Variants in ADAMTSL3 observed in about 807,000 individuals in gnomAD.
ADAMTSL3 encodes ADAMTS-like protein 3.
In ADAMTSL3, 128 loss-of-function variants were observed where a neutral mutation model predicts 201.7. The ratio of observed to expected loss-of-function variants is 0.63; its 90% CI spans 0.55 to 0.73. The LOEUF (loss-of-function observed/expected upper bound fraction) is 0.73, where lower values mean the gene tolerates loss of function less well. Ranked by LOEUF, ADAMTSL3 falls within the 30% of genes least tolerant of loss-of-function variation. The probability of loss-of-function intolerance (pLI) is 0.00; values close to 1 mark genes in which losing one functional copy is unlikely to be tolerated. For missense variants in ADAMTSL3, 1,990 were observed against 2,119.6 expected, an observed-to-expected ratio of 0.94 and a Z score of 1.20; for synonymous variants, 738 against 748.4, an observed-to-expected ratio of 0.99 and a Z score of 0.23.
At chr15:83,773,470 C>T in intron 3 of ADAMTSL3, 53 bp from the exon 4 acceptor site, 1 of 1,584,582 alleles carries the variant, frequency 6.3e-7, no homozygotes, top group Non-Finnish European at 8.6e-7. Flanking sequence ...ACCACATTTG[C>T]CTATACTTTA....
chr15:83,986,436 C>T (rs1378746413), intron 21 of ADAMTSL3, among the ~76,000 whole-genome samples: 5 of 152,184 alleles, frequency 3.3e-5, no homozygotes, highest in Non-Finnish European at 1.5e-5. Flanking sequence ...TGACATGGTA[C>T]ATCCTCCTTA....
chr15:83,739,275 A>G (rs2062416830), intron 3 of ADAMTSL3, among the ~76,000 whole-genome samples: 1 of 151,822 alleles, frequency 6.6e-6, no homozygotes, highest in Non-Finnish European at 1.5e-5. Flanking sequence ...CAATATTAGT[A>G]TTAGAAAAAT....
intron 23 of ADAMTSL3, among the ~76,000 whole-genome samples, chr15:83,999,611 G>A (rs1374058143): frequency 1.3e-5 from 2 of 152,072 alleles, no homozygotes; most frequent in Non-Finnish European, 2.9e-5. Context: ...AATTCCACAC[G>A]GTGCATGCAC....
intron 5 of ADAMTSL3, among the ~76,000 whole-genome samples, chr15:83,819,276 A>C (rs1328586046): frequency 2.6e-5 from 4 of 151,952 alleles, no homozygotes; most frequent in African/African-American, 2.4e-5. Context: ...AAAAAAAAAA[A>C]AAAAAACAAT....
intron 2 of ADAMTSL3, among the ~76,000 whole-genome samples, chr15:83,691,674 G>A (rs2061609995): frequency 6.6e-6 from 1 of 152,118 alleles, no homozygotes. Flanking sequence ...GAGTGCAATG[G>A]TGCGATCTTG....
intron 2 of ADAMTSL3, among the ~76,000 whole-genome samples, chr15:83,697,208 C>T (rs756719233): frequency 1.3e-5 from 2 of 152,170 alleles, no homozygotes; most frequent in African/African-American, 2.4e-5. Context: ...GCTTCTCTCT[C>T]TTCCCATTAC....
At chr15:83,669,733 G>T (rs566020772) in intron 2 of ADAMTSL3, among the ~76,000 whole-genome samples, 22 of 151,464 alleles carry the variant, frequency 1.5e-4, no homozygotes, top group Non-Finnish European at 1.9e-4. Context: ...CTCCCAAAGT[G>T]CTGGGATTAC....
chr15:83,856,645 A>C (rs2064740339), intron 7 of ADAMTSL3, among the ~76,000 whole-genome samples: 1 of 152,212 alleles, frequency 6.6e-6, no homozygotes, highest in African/African-American at 2.4e-5. Context: ...ATTGAGCTGT[A>C]TGATCTTCAC....
chr15:83,715,431 C>G (rs1406440439), intron 3 of ADAMTSL3, among the ~76,000 whole-genome samples: 2 of 152,190 alleles, frequency 1.3e-5, no homozygotes, highest in Non-Finnish European at 2.9e-5. Context: ...ACCTCCCTTC[C>G]CAGAGCTGGA....
At chr15:83,687,313 T>C (rs1040172127) in intron 2 of ADAMTSL3, among the ~76,000 whole-genome samples, 4 of 152,254 alleles carry the variant, frequency 2.6e-5, no homozygotes, top group African/African-American at 9.6e-5. Flanking sequence ...ATGTAATCAG[T>C]ATGAAAATCC....
At chr15:83,775,409 A>G (rs999327793) in intron 4 of ADAMTSL3, among the ~76,000 whole-genome samples, 4 of 152,118 alleles carry the variant, frequency 2.6e-5, no homozygotes, top group African/African-American at 9.7e-5. Context: ...ATTAAGGACC[A>G]TGAATAACCA....
At chr15:83,771,581 C>A (rs994234923) in intron 3 of ADAMTSL3, among the ~76,000 whole-genome samples, 12 of 152,182 alleles carry the variant, frequency 7.9e-5, no homozygotes, top group African/African-American at 2.9e-4. Flanking sequence ...AACCTAATGT[C>A]CTCAAGATTC....
intron 9 of ADAMTSL3, among the ~76,000 whole-genome samples, chr15:83,876,091 A>G (rs908373132): frequency 1.3e-5 from 2 of 151,908 alleles, no homozygotes; most frequent in Non-Finnish European, 2.9e-5. Context: ...TGAAATTTAC[A>G]TTTTTCTACG....
intron 3 of ADAMTSL3, among the ~76,000 whole-genome samples, chr15:83,749,093 G>C (rs2062598021): frequency 6.6e-6 from 1 of 152,176 alleles, no homozygotes. Flanking sequence ...AACAAGAATA[G>C]CATTTAGAGT....
At chr15:83,901,656 A>T (rs953191617) in intron 15 of ADAMTSL3, among the ~76,000 whole-genome samples, 1 of 152,162 alleles carries the variant, frequency 6.6e-6, no homozygotes, top group Non-Finnish European at 1.5e-5. Flanking sequence ...TTTCATTTTG[A>T]TGTTAGGGCA....
At chr15:83,989,129 G>C (rs564913309) in intron 22 of ADAMTSL3, among the ~76,000 whole-genome samples, 1 of 152,096 alleles carries the variant, frequency 6.6e-6, no homozygotes, top group Non-Finnish European at 1.5e-5. Context: ...TGATCCACCC[G>C]CCTTGGCCTC....
intron 7 of ADAMTSL3, among the ~76,000 whole-genome samples, chr15:83,842,517 G>A (rs1211427605): frequency 6.6e-6 from 1 of 152,096 alleles, no homozygotes; most frequent in East Asian, 1.9e-4. Flanking sequence ...CACTCCTCCT[G>A]TTGCATGCCC....
At chr15:83,963,623 G>A (rs983444246) in intron 19 of ADAMTSL3, among the ~76,000 whole-genome samples, 19 of 152,370 alleles carry the variant, frequency 1.2e-4, no homozygotes, top group African/African-American at 4.6e-4. Context: ...TCTGAAGAGA[G>A]CAGCAGATCT....
chr15:83,663,887 C>A (rs1403392659), intron 2 of ADAMTSL3, among the ~76,000 whole-genome samples: 1 of 152,170 alleles, frequency 6.6e-6, no homozygotes, highest in African/African-American at 2.4e-5. Flanking sequence ...GCCTGTGATC[C>A]CGGCACTCCT....
Sources: allele counts gnomAD v4.1 joint callset (sites outside exome capture counted in the v4.1 genomes callset), GRCh38; gene constraint gnomAD v4.1.1; transcripts MANE v1.5; gene names NCBI Gene and HGNC (gene_info 2026-07-23, HGNC 2026-07-21).